The following ICE2 variants were observed in gnomAD, a reference collection of about 807,000 sequenced individuals.
ICE2 encodes interactor of little elongation complex ELL subunit 2.
In ICE2, 87 loss-of-function variants were observed where a neutral mutation model predicts 105.4. The ratio of observed to expected loss-of-function variants is 0.83; its 90% confidence interval spans 0.69 to 0.99. ICE2 has a LOEUF of 0.99. ICE2 is among the 50% of genes least tolerant of loss of function. The pLI, the probability that ICE2 is intolerant of heterozygous loss-of-function variation, is 0.00. For synonymous variants in ICE2, 399 were observed against 392.0 expected (o/e 1.02, Z -0.21); for missense variants, 1,323 against 1,146.7 (o/e 1.15, Z -2.22).
intron 12 of ICE2, chr15:60,440,798 G>T (rs115357395): frequency 0.011 from 1,673 of 151,690 alleles, 33 homozygotes; most frequent in African/African-American, 0.039. Context: ...AAAAAACCCC[G>T]AACAAACCAA....
In ICE2 at chr15:60,453,701, G is replaced by T; in HGVS notation, c.1027C>A (p.His343Asn). 1 of 1,611,822 alleles carries T rather than the reference G, an allele frequency of 6.2e-7. No homozygotes were observed. The highest frequency in any genetic ancestry group is 8.5e-7 in the Non-Finnish European group (1 of 1,178,008). Residue 343 changes from histidine to asparagine, a missense_variant, in exon 9 of 16, where the codon CAT becomes AAT. Physicochemically the swap from His to Asn is moderately conservative, Grantham distance 68. Coordinates refer to ENST00000261520, the MANE Select transcript of ICE2 (RefSeq NM_024611.6). The part of the protein sequence containing the change: ...MTMRERNQIF[H>N]EVPLKFMMSK... The stretch of plus-strand genomic sequence containing the variant: ...ATCATAAATTTTAATGGAACTTCAT[G>T]AAAGATTTGATTTCTCTCTCTCATA...
At chr15:60,470,037 A>G (rs969752465) in intron 3 of ICE2, among the ~76,000 whole-genome samples, 2 of 152,218 alleles carry the variant, frequency 1.3e-5, no homozygotes, top group African/African-American at 4.8e-5. Flanking sequence ...AACAATCCAC[A>G]GAGGAAGGGA....
chr15:60,424,204 C>T (rs2063289175), intron 15 of ICE2, among the ~76,000 whole-genome samples: 1 of 148,608 alleles, frequency 6.7e-6, no homozygotes. Flanking sequence ...CATGGACAAA[C>T]AAGAAAGATA....
intron 5 of ICE2, among the ~76,000 whole-genome samples, chr15:60,463,712 G>C (rs745716927): frequency 2.6e-5 from 4 of 152,246 alleles, no homozygotes; most frequent in Non-Finnish European, 5.9e-5. Flanking sequence ...AGAGGTTGCA[G>C]TGGGCTGAGA....
intron 8 of ICE2, 90 bp downstream of exon 8, chr15:60,454,913 T>C: frequency 8.4e-7 from 1 of 1,191,562 alleles, no homozygotes; most frequent in Non-Finnish European, 1.2e-6. Flanking sequence ...GGTCCATGTG[T>C]TCTCATTGTT....
intron 15 of ICE2, among the ~76,000 whole-genome samples, chr15:60,426,513 G>A (rs150783777): frequency 2.6e-5 from 4 of 152,222 alleles, no homozygotes; most frequent in African/African-American, 4.8e-5. Context: ...TATCCCTGTC[G>A]TTAAGTGATA....
chr15:60,436,760 C>T (rs961707215), intron 12 of ICE2, among the ~76,000 whole-genome samples: 8 of 145,912 alleles, frequency 5.5e-5, no homozygotes, highest in African/African-American at 1.5e-4. Flanking sequence ...ATTTGCATGG[C>T]GTTTATGAGG....
At chr15:60,455,506 T>C (rs1595790184) in intron 6 of ICE2, 64 bp from the exon 7 acceptor site, 1 of 1,013,074 alleles carries the variant, frequency 9.9e-7, no homozygotes. Flanking sequence ...AAGAAAAGTA[T>C]CTTTCATCAT....
In ICE2 at chr15:60,456,667, A is replaced by C; in HGVS notation, c.656T>G (p.Leu219Arg). 6.3e-7 allele frequency: 1 copy of C among 1,587,590 alleles called. No individual in the cohort carries two copies. Residue 219 changes from leucine to arginine, a missense_variant, in exon 6 of 16, where the codon CTT becomes CGT. By Grantham distance (102) the Leu-to-Arg change is moderately radical (BLOSUM62 -2). Coordinates refer to ENST00000261520, the MANE Select transcript of ICE2 (RefSeq NM_024611.6). ...VEMGLKLEKT[L>R]LALGSVKYVK... ...GATAATAAACCTTACCAATGCGAGA[A>C]GAGTTTTTTCTAACTTTAATCCCAT...
At chr15:60,478,415 T>C (rs779786014) in intron 1 of ICE2, among the ~76,000 whole-genome samples, 1 of 152,224 alleles carries the variant, frequency 6.6e-6, no homozygotes, top group African/African-American at 2.4e-5. Context: ...AAATCTTTTG[T>C]TTTCCCGACC....
intron 11 of ICE2, among the ~76,000 whole-genome samples, chr15:60,443,385 T>G (rs189812536): frequency 2.0e-4 from 31 of 152,264 alleles, no homozygotes; most frequent in African/African-American, 5.8e-4. Context: ...ATTTACAGAT[T>G]TGAAAATATT....
At chr15:60,473,712 A>G (rs948327908) in intron 3 of ICE2, among the ~76,000 whole-genome samples, 7 of 150,754 alleles carry the variant, frequency 4.6e-5, no homozygotes, top group Non-Finnish European at 7.4e-5. Flanking sequence ...AGTAAGTTTT[A>G]AGAAATTAGT....
chr15:60,434,759 G>T (rs894832586), intron 13 of ICE2, among the ~76,000 whole-genome samples: 1 of 152,154 alleles, frequency 6.6e-6, no homozygotes, highest in East Asian at 1.9e-4. Context: ...AGGCTGGGAA[G>T]GAAATGGATG....
intron 4 of ICE2, among the ~76,000 whole-genome samples, chr15:60,467,584 A>G (rs911073319): frequency 6.6e-6 from 1 of 152,172 alleles, no homozygotes; most frequent in Non-Finnish European, 1.5e-5. Context: ...GTACAAACAA[A>G]CTGGTTTAAA....
intron 5 of ICE2, among the ~76,000 whole-genome samples, chr15:60,462,489 T>C (rs752720870): frequency 1.1e-4 from 16 of 152,186 alleles, no homozygotes; most frequent in Non-Finnish European, 1.6e-4. Context: ...CCACAATGTA[T>C]ACATATTTAA....
At chr15:60,425,555 A>G (rs1419406474) in intron 15 of ICE2, among the ~76,000 whole-genome samples, 1 of 152,174 alleles carries the variant, frequency 6.6e-6, no homozygotes, top group Non-Finnish European at 1.5e-5. Context: ...CTTAAATACA[A>G]TCTCTACTTG....
intron 5 of ICE2, among the ~76,000 whole-genome samples, chr15:60,464,367 C>A (rs2064363387): frequency 6.6e-6 from 1 of 151,844 alleles, no homozygotes; most frequent in Non-Finnish European, 1.5e-5. Context: ...CAAAAAGGCA[C>A]TGTTTTACAA....
At chr15:60,465,565 G>A (rs980744340) in intron 5 of ICE2, among the ~76,000 whole-genome samples, 1 of 151,620 alleles carries the variant, frequency 6.6e-6, no homozygotes, top group African/African-American at 2.4e-5. Context: ...TTTAAGCTAC[G>A]GTAAAATTTA....
chr15:60,449,920 A>C, intron 9 of ICE2, 79 bp from the exon 10 acceptor site: 1 of 981,718 alleles, frequency 1.0e-6, no homozygotes, highest in Non-Finnish European at 1.5e-6. Flanking sequence ...TATCCCTGTC[A>C]TACATACTTC....
Sources: gnomAD v4.1 joint callset for allele counts (sites outside exome capture counted in the v4.1 genomes callset) on GRCh38, gnomAD v4.1.1 for gene constraint, MANE v1.5 for transcripts, NCBI Gene and HGNC (gene_info 2026-07-23, HGNC 2026-07-21) for gene names.